Variants in FHL2 observed in about 807,000 individuals in gnomAD.
FHL2 encodes four and a half LIM domains protein 2.
Under a neutral mutation model 32.7 loss-of-function variants are expected in FHL2, and 20 were observed. The ratio of observed to expected loss-of-function variants is 0.61; its 90% confidence interval spans 0.43 to 0.89. The LOEUF (loss-of-function observed/expected upper bound fraction) is 0.89. Ranked by LOEUF, FHL2 falls within the 40% of genes least tolerant of loss-of-function variation. The pLI is 0.00. For missense variants in FHL2, 311 were observed against 358.6 expected, an observed-to-expected ratio of 0.87 and a Z score of 1.07; for synonymous variants, 123 against 128.1, an observed-to-expected ratio of 0.96 and a Z score of 0.27.
At chr2:105,387,289 T>A (rs1246619659) in intron 2 of FHL2, among the ~76,000 whole-genome samples, 1 of 152,206 alleles carries the variant, frequency 6.6e-6, no homozygotes, top group Non-Finnish European at 1.5e-5. Flanking sequence ...TTATGATTCA[T>A]GATTTGAATA....
At chr2:105,413,680 A>T (rs1055809256) in intron 1 of FHL2, among the ~76,000 whole-genome samples, 1 of 152,036 alleles carries the variant, frequency 6.6e-6, no homozygotes. Flanking sequence ...AGGTCTTGCT[A>T]TGTTGCCCGG....
At chr2:105,359,171 G>A (rs1313913434), downstream of FHL2, 1 of 151,848 alleles carries the variant, frequency 6.6e-6, no homozygotes, top group Non-Finnish European at 1.5e-5. Context: ...AGTCCAATTG[G>A]AGCTATTTAC....
intron 1 of FHL2, among the ~76,000 whole-genome samples, chr2:105,411,830 A>G (rs1245627816): frequency 6.6e-6 from 1 of 152,048 alleles, no homozygotes; most frequent in Non-Finnish European, 1.5e-5. Flanking sequence ...TCAAAAAAAA[A>G]AAAGTTCACA....
At chr2:105,390,905 T>G (rs1217946193) in intron 2 of FHL2, among the ~76,000 whole-genome samples, 1 of 151,644 alleles carries the variant, frequency 6.6e-6, no homozygotes, top group Non-Finnish European at 1.5e-5. Context: ...TCAGTGATTC[T>G]CCTGCCTCAG....
At chr2:105,393,203 G>A (rs1682859649) in intron 2 of FHL2, among the ~76,000 whole-genome samples, 1 of 152,018 alleles carries the variant, frequency 6.6e-6, no homozygotes, top group South Asian at 2.1e-4. Context: ...TGACCCCAAT[G>A]GGCCCATTTT....
chr2:105,373,583 C>A lies in FHL2; in HGVS notation c.307G>T (p.Glu103Ter). The change falls in exon 4 of 7, where the codon GAA becomes TAA. Residue 103 changes from glutamate (E) to a stop codon, truncating the protein, a stop_gained. Transcript: ENST00000530340. LOFTEE classifies it high-confidence loss of function. ...CCTGGCATGATGGTCTTCTTGCATT[C>A]CTGGCACTTGGATGAGTACTCGTTG... is the stretch of plus-strand genomic sequence containing the variant. ...YSNEYSSKCQ[E>*]CKKTIMPGTR... 1 of 1,614,238 alleles carries A rather than the reference C, an allele frequency of 6.2e-7. No homozygotes were observed. Among genetic ancestry groups the A allele is most frequent in the Non-Finnish European group, 8.5e-7 (1 of 1,180,044 alleles).
chr2:105,427,017 C>G (rs1017599226), intron 1 of FHL2, among the ~76,000 whole-genome samples: 22 of 152,174 alleles, frequency 1.4e-4, no homozygotes, highest in Non-Finnish European at 2.6e-4. Flanking sequence ...ACTAAGCCAT[C>G]TGCAGAGAAT....
At chr2:105,364,347 GA>G (rs1558680278) in intron 5 of FHL2, among the ~76,000 whole-genome samples, 1 of 152,222 alleles carries the variant, frequency 6.6e-6, no homozygotes, top group Non-Finnish European at 1.5e-5. Flanking sequence ...CACTTACGGT[GA>G]AAGAAGGAAG....
intron 2 of FHL2, among the ~76,000 whole-genome samples, chr2:105,392,608 G>A (rs115855059): frequency 2.3e-3 from 355 of 152,252 alleles, no homozygotes; most frequent in African/African-American, 7.9e-3. Context: ...GCTCATCAGT[G>A]TGATCTATTT....
intron 1 of FHL2, among the ~76,000 whole-genome samples, chr2:105,424,990 C>G (rs552432178): frequency 6.6e-6 from 1 of 152,146 alleles, no homozygotes; most frequent in South Asian, 2.1e-4. Flanking sequence ...CTGCACATTC[C>G]GTACATGTAC....
At chr2:105,436,170 T>C (rs1227151316) in intron 1 of FHL2, among the ~76,000 whole-genome samples, 1 of 152,056 alleles carries the variant, frequency 6.6e-6, no homozygotes, top group Non-Finnish European at 1.5e-5. Flanking sequence ...AGAGATTAAG[T>C]GAGGAGGTGC....
At chr2:105,358,158 G>A (rs1348668165), downstream of FHL2, 1 of 152,136 alleles carries the variant, frequency 6.6e-6, no homozygotes, top group African/African-American at 2.4e-5. Flanking sequence ...CTTCCTTAAT[G>A]GCTCACTGGT....
At chr2:105,426,289 T>G (rs890719959) in intron 1 of FHL2, among the ~76,000 whole-genome samples, 6 of 152,188 alleles carry the variant, frequency 3.9e-5, no homozygotes, top group African/African-American at 1.4e-4. Context: ...CCACTTCCCA[T>G]CACCCCCAGC....
intron 1 of FHL2, among the ~76,000 whole-genome samples, chr2:105,432,089 C>T (rs539746678): frequency 6.6e-6 from 1 of 152,196 alleles, no homozygotes; most frequent in African/African-American, 2.4e-5. Context: ...ATTAGAAGGT[C>T]CTCATCCCAC....
chr2:105,388,668 CA>C (rs34817426), intron 2 of FHL2, among the ~76,000 whole-genome samples: 47,309 of 129,608 alleles, frequency 0.37, 7,648 homozygotes, highest in East Asian at 0.54. Flanking sequence ...ACTAAAAATA[CA>C]AAAAAAAAAA....
intron 2 of FHL2, among the ~76,000 whole-genome samples, chr2:105,392,303 T>C (rs1054650783): frequency 1.3e-5 from 2 of 152,098 alleles, no homozygotes; most frequent in Non-Finnish European, 2.9e-5. Context: ...AGAAACCCCA[T>C]CTCTACAAAA....
intron 1 of FHL2, among the ~76,000 whole-genome samples, chr2:105,411,528 T>A (rs934924432): frequency 4.1e-5 from 6 of 146,848 alleles, no homozygotes; most frequent in Non-Finnish European, 9.0e-5. Flanking sequence ...TAAATGGTCC[T>A]GAACTTAGGG....
chr2:105,390,607 T>A (rs950341701), intron 2 of FHL2, among the ~76,000 whole-genome samples: 20 of 152,176 alleles, frequency 1.3e-4, no homozygotes, highest in Non-Finnish European at 2.2e-4. Context: ...TGCTGCTACC[T>A]AGGAGCACAG....
intron 1 of FHL2, 120 bp from the exon 2 acceptor site, chr2:105,396,817 C>T (rs1041579797): frequency 1.4e-4 from 114 of 826,022 alleles, no homozygotes; most frequent in Non-Finnish European, 1.9e-4. Flanking sequence ...ATAATAAAAC[C>T]GCACAGAAGA....
Sources: gnomAD v4.1 joint callset for allele counts (sites outside exome capture counted in the v4.1 genomes callset) on GRCh38, gnomAD v4.1.1 for gene constraint, MANE v1.5 for transcripts, NCBI Gene and HGNC (gene_info 2026-07-23, HGNC 2026-07-21) for gene names.